The following HCN1 variants were observed in gnomAD, a reference collection of about 807,000 sequenced individuals.
HCN1 encodes the protein hyperpolarization activated cyclic nucleotide gated potassium channel 1.
A neutral mutation model predicts 78.9 loss-of-function variants in HCN1; 13 were observed. The ratio of observed to expected loss-of-function variants is 0.16; its 90% confidence interval spans 0.11 to 0.26. The LOEUF is 0.26. Ranked by LOEUF, HCN1 falls within the 10% of genes least tolerant of loss-of-function variation. The pLI is 1.00. For missense variants in HCN1, 810 were observed against 1,154.3 expected (o/e 0.70, Z 4.32); for synonymous variants, 552 against 455.5 (o/e 1.21, Z -2.70).
chr5:45,614,644 T>C (rs1312731649), intron 2 of HCN1, among the ~76,000 whole-genome samples: 1 of 152,112 alleles, frequency 6.6e-6, no homozygotes, highest in Non-Finnish European at 1.5e-5. Flanking sequence ...TCCCTGTGGC[T>C]TCTCCTCTTT....
At chr5:45,598,912 C>A (rs1055356777) in intron 2 of HCN1, among the ~76,000 whole-genome samples, 2 of 152,146 alleles carry the variant, frequency 1.3e-5, no homozygotes, top group African/African-American at 2.4e-5. Flanking sequence ...AGTCAGGAAA[C>A]AACAGATGCT....
chr5:45,615,020 C>CA (rs1744915187), intron 2 of HCN1, among the ~76,000 whole-genome samples: 1 of 150,172 alleles, frequency 6.7e-6, no homozygotes, highest in African/African-American at 2.4e-5. Context: ...TTTAATTTTC[C>CA]AAAGCTGGAA....
rs545306799 is a variant in HCN1 at position 45,649,581 on chromosome 5, GT to G, written c.426-3974del. ...CATCCTTCTTTCACCTCATTTGTTA[GT>G]TTTTTTTTTTACAACCCTCAGAGCA... On this transcript the variant is annotated intron_variant, in intron 1 of 7. Coordinates refer to ENST00000303230, the MANE Select transcript of HCN1 (RefSeq NM_021072.4). Among the ~76,000 whole-genome samples the G allele has an allele frequency of 1.4e-3, 203 of 145,136 alleles. 1 individual carries two copies. Among genetic ancestry groups the G allele is most frequent in the Middle Eastern group, 3.6e-3 (1 of 280 alleles).
chr5:45,569,311 T>C (rs561101256), intron 2 of HCN1, among the ~76,000 whole-genome samples: 3 of 152,302 alleles, frequency 2.0e-5, no homozygotes, highest in East Asian at 3.9e-4. Flanking sequence ...AAAGGAATTG[T>C]CCATGAACCT....
chr5:45,570,439 C>T lies in HCN1; in HGVS notation c.849+74746G>A, dbSNP rs151002009. 1.6e-3 allele frequency among the ~76,000 whole-genome samples: 249 copies of T among 152,214 alleles called. 2 individuals carry two copies. Among genetic ancestry groups the T allele is most frequent in the African/African-American group, 5.8e-3 (242 of 41,548 alleles). ...TTATTAACAGTCTTTTGGCAATAAT[C>T]TTTTCACCACCATACTACCTTACCA... is the stretch of plus-strand genomic sequence containing the variant. On this transcript the variant is annotated intron_variant, in intron 2 of 7. Coordinates refer to ENST00000303230, the MANE Select transcript of HCN1 (RefSeq NM_021072.4).
chr5:45,432,791 T>G (rs951011118), intron 3 of HCN1, among the ~76,000 whole-genome samples: 1 of 152,106 alleles, frequency 6.6e-6, no homozygotes, highest in Non-Finnish European at 1.5e-5. Context: ...TGTTAGTCTG[T>G]TCTCATGTTG....
In HCN1 at chr5:45,300,185, C is replaced by A. The variant is rs530863736; in HGVS notation, c.1618+3414G>T. Among the ~76,000 whole-genome samples the A allele has an allele frequency of 4.6e-5, 7 of 152,076 alleles. 1 individual carries two copies. Among genetic ancestry groups the A allele is most frequent in the African/African-American group, 1.4e-4 (6 of 41,540 alleles). ...GTGCATAATAACACTTCAAAAAATT[C>A]TTTTTAAATGTTTCTTCTACATATT... On this transcript the variant is annotated intron_variant, in intron 6 of 7. Transcript: ENST00000303230.
At chr5:45,611,561 G>A (rs551363882) in intron 2 of HCN1, among the ~76,000 whole-genome samples, 23 of 151,760 alleles carry the variant, frequency 1.5e-4, no homozygotes, top group South Asian at 6.2e-4. Context: ...CATGAGCCAC[G>A]GTGCCTGGCC....
chr5:45,377,675 G>A (rs557396450), intron 4 of HCN1, among the ~76,000 whole-genome samples: 30 of 152,120 alleles, frequency 2.0e-4, no homozygotes, highest in Admixed American at 1.3e-3. Flanking sequence ...AGACTCAGCA[G>A]TGTTTTAGCT....
intron 6 of HCN1, among the ~76,000 whole-genome samples, chr5:45,296,516 GAAGA>G (rs1427637358): frequency 6.6e-6 from 1 of 151,750 alleles, no homozygotes; most frequent in African/African-American, 2.4e-5. Context: ...TATTAGAATA[GAAGA>G]AAGATTGAAA....
chr5:45,339,740 T>C (rs1746536064), intron 5 of HCN1, among the ~76,000 whole-genome samples: 1 of 152,138 alleles, frequency 6.6e-6, no homozygotes, highest in Non-Finnish European at 1.5e-5. Context: ...GAATATGGCA[T>C]TTAAATATAT....
At chr5:45,318,418 G>A (rs899383470) in intron 5 of HCN1, among the ~76,000 whole-genome samples, 1 of 152,070 alleles carries the variant, frequency 6.6e-6, no homozygotes, top group East Asian at 1.9e-4. Context: ...CTGTCGTGGG[G>A]TGGGGGAGGG....
intron 2 of HCN1, among the ~76,000 whole-genome samples, chr5:45,485,496 G>GT (rs1741738302): frequency 6.6e-6 from 1 of 152,014 alleles, no homozygotes; most frequent in Admixed American, 6.6e-5. Flanking sequence ...AAACAAAACA[G>GT]TTTTTTCATC....
At chr5:45,635,631 C>T (rs912516821) in intron 2 of HCN1, among the ~76,000 whole-genome samples, 10 of 152,052 alleles carry the variant, frequency 6.6e-5, no homozygotes, top group African/African-American at 2.4e-4. Flanking sequence ...CTCAAAATAG[C>T]CACCAGAATT....
At chr5:45,347,424 G>T (rs530495279) in intron 5 of HCN1, among the ~76,000 whole-genome samples, 1 of 152,240 alleles carries the variant, frequency 6.6e-6, no homozygotes, top group African/African-American at 2.4e-5. Context: ...GGAAAAAACA[G>T]CAGAAAAACT....
intron 5 of HCN1, among the ~76,000 whole-genome samples, chr5:45,342,895 A>T (rs1746615931): frequency 6.6e-6 from 1 of 152,198 alleles, no homozygotes; most frequent in African/African-American, 2.4e-5. Context: ...AAAGTGGAGA[A>T]AACAAATATG....
rs192573807 is a variant in HCN1, at chr5:45,314,096, G to T, written c.1378-10257C>A. Among the ~76,000 whole-genome samples, 106 of 152,216 alleles carry T rather than the reference G, an allele frequency of 7.0e-4. 1 individual carries two copies. In the East Asian group the frequency reaches 0.012, roughly 17 times the overall value. On this transcript the variant is annotated intron_variant, in intron 5 of 7. Transcript: ENST00000303230. ...AAAGTTGAAATGAAGGAAAAAAATGGTAAGGGCAGCCAGAGAGAAAGGTCG... is the reference window on the plus strand; with the variant it reads ...AAAGTTGAAATGAAGGAAAAAAATGTTAAGGGCAGCCAGAGAGAAAGGTCG...
chr5:45,388,916 G>C (rs973568623), intron 4 of HCN1, among the ~76,000 whole-genome samples: 2 of 152,054 alleles, frequency 1.3e-5, no homozygotes. Flanking sequence ...ATCTCACCTA[G>C]GTCTCTGCAA....
chr5:45,446,118 G>C (rs1258329372), intron 3 of HCN1, among the ~76,000 whole-genome samples: 1 of 152,102 alleles, frequency 6.6e-6, no homozygotes, highest in Non-Finnish European at 1.5e-5. Flanking sequence ...CAAACCAAAG[G>C]CAAAGAAGTT....
Sources: gnomAD v4.1 joint callset for allele counts (sites outside exome capture counted in the v4.1 genomes callset) on GRCh38, gnomAD v4.1.1 for gene constraint, MANE v1.5 for transcripts, NCBI Gene and HGNC (gene_info 2026-07-23, HGNC 2026-07-21) for gene names.